HYDIN: variants seen among roughly 807,000 people sequenced by gnomAD.
HYDIN encodes HYDIN axonemal central pair apparatus protein.
In HYDIN, 132 loss-of-function variants were observed where a neutral mutation model predicts 403.9. That is an observed-to-expected ratio of 0.33 (90% CI 0.28 to 0.38). The LOEUF is 0.38. Among genes scored for constraint, HYDIN ranks in the 10% least tolerant of loss-of-function variants. HYDIN has a pLI of 1.00. For synonymous variants in HYDIN, 1,202 were observed against 1,891.7 expected (o/e 0.64, Z 9.46); for missense variants, 2,827 against 5,009.5 (o/e 0.56, Z 13.15).
At position 70,913,103 on chromosome 16, in the gene HYDIN, C is replaced by T. The variant is rs1404842015; in HGVS notation, c.8005-4242G>A. On this transcript the variant is annotated intron_variant, in intron 47 of 85. Coordinates refer to ENST00000393567, the MANE Select transcript of HYDIN (RefSeq NM_001270974.2). ...CCAGCTTTTTGTTTCATTTATCTTT[C>T]GTATTGCTTTTTTTTTTGTTTCAAT... Among the ~76,000 whole-genome samples, 12 of 151,150 alleles carry T rather than the reference C, an allele frequency of 7.9e-5. No homozygotes were observed. In the East Asian group the frequency reaches 9.7e-4, roughly 12 times the overall value.
At chr16:71,221,403 T>C (rs2089194184) in intron 1 of HYDIN, among the ~76,000 whole-genome samples, 1 of 152,080 alleles carries the variant, frequency 6.6e-6, no homozygotes, top group Non-Finnish European at 1.5e-5. Context: ...TTCCCTGAGG[T>C]ACCTAACAGA....
chr16:71,065,902 C>T (rs906618928), intron 15 of HYDIN, among the ~76,000 whole-genome samples: 1 of 152,092 alleles, frequency 6.6e-6, no homozygotes, highest in East Asian at 1.9e-4. Flanking sequence ...CAGATTACAC[C>T]AAAAATAAGG....
chr16:70,933,116 T>C, intron 45 of HYDIN, among the ~76,000 whole-genome samples: 1 of 151,790 alleles, frequency 6.6e-6, no homozygotes, highest in Admixed American at 6.6e-5. Flanking sequence ...GGTGTGATGA[T>C]GGAATTACCA....
intron 28 of HYDIN, 147 bp from the exon 29 acceptor site, chr16:70,981,715 A>G (rs1403711448): frequency 8.2e-7 from 1 of 1,220,588 alleles, no homozygotes; most frequent in African/African-American, 1.5e-5. Context: ...AATGAGTGCA[A>G]AGAAACAGAA....
intron 6 of HYDIN, among the ~76,000 whole-genome samples, chr16:71,159,730 T>C (rs2085921063): frequency 6.7e-6 from 1 of 148,414 alleles, no homozygotes; most frequent in Admixed American, 6.7e-5. Flanking sequence ...ATTAGAAAAA[T>C]GTAAGTCAAA....
chr16:71,148,459 T>C (rs2085405639), intron 7 of HYDIN, among the ~76,000 whole-genome samples: 1 of 152,208 alleles, frequency 6.6e-6, no homozygotes, highest in African/African-American at 2.4e-5. Flanking sequence ...GATGACCTGT[T>C]TGTGTATATA....
At chr16:71,208,328 A>G (rs1049233670) in intron 1 of HYDIN, among the ~76,000 whole-genome samples, 1 of 152,226 alleles carries the variant, frequency 6.6e-6, no homozygotes, top group Admixed American at 6.5e-5. Context: ...GTCTTGGGTA[A>G]ATAATGAAAT....
intron 10 of HYDIN, among the ~76,000 whole-genome samples, chr16:71,096,584 C>T (rs1179992705): frequency 5.3e-5 from 8 of 150,528 alleles, no homozygotes; most frequent in African/African-American, 1.5e-4. Flanking sequence ...ATCTCTCTGG[C>T]TATACCTAAC....
At chr16:70,821,635 T>C (rs554240336) in intron 83 of HYDIN, among the ~76,000 whole-genome samples, 2 of 152,168 alleles carry the variant, frequency 1.3e-5, no homozygotes, top group South Asian at 4.1e-4. Context: ...ATCTTTGTTT[T>C]TTGGCAGTTT....
chr16:71,010,421 T>G (rs2080043251), intron 23 of HYDIN, among the ~76,000 whole-genome samples: 1 of 152,100 alleles, frequency 6.6e-6, no homozygotes, highest in Non-Finnish European at 1.5e-5. Flanking sequence ...CCTCCTGAAA[T>G]GGCCTCAGAC....
chr16:70,898,147 C>G (rs1319853187), intron 53 of HYDIN, among the ~76,000 whole-genome samples: 1 of 152,230 alleles, frequency 6.6e-6, no homozygotes, highest in Admixed American at 6.5e-5. Context: ...CCAGCCTGAG[C>G]AACAGAGTGA....
chr16:70,820,034 A>C (rs1273005033), intron 83 of HYDIN, among the ~76,000 whole-genome samples: 1 of 129,726 alleles, frequency 7.7e-6, no homozygotes, highest in Non-Finnish European at 1.6e-5. Flanking sequence ...GTTAGTCAGG[A>C]TGGTCTCAAT....
intron 78 of HYDIN, among the ~76,000 whole-genome samples, chr16:70,835,430 AAAATG>A (rs1167108684): frequency 6.6e-6 from 1 of 152,240 alleles, no homozygotes; most frequent in Non-Finnish European, 1.5e-5. Flanking sequence ...AATGACATGG[AAAATG>A]AAATGAAAAT....
At chr16:70,850,005 G>C (rs892514694) in intron 74 of HYDIN, 58 bp from the exon 75 acceptor site, 9 of 592,450 alleles carry the variant, frequency 1.5e-5, no homozygotes, top group Non-Finnish European at 1.8e-5. Context: ...TCTGGGGTCA[G>C]CATTTGTAAC....
intron 24 of HYDIN, among the ~76,000 whole-genome samples, 157 bp from the exon 25 acceptor site, chr16:70,991,553 C>T (rs1178288188): frequency 6.6e-6 from 1 of 151,918 alleles, no homozygotes; most frequent in Non-Finnish European, 1.5e-5. Flanking sequence ...AAGAGGTCAG[C>T]TGGTCAGGGC....
At chr16:70,956,409 T>C (rs2078238616) in intron 39 of HYDIN, among the ~76,000 whole-genome samples, 1 of 152,356 alleles carries the variant, frequency 6.6e-6, no homozygotes, top group Admixed American at 6.5e-5. Flanking sequence ...ATAGGTGATG[T>C]GGTAGGCTGA....
chr16:71,212,657 T>C (rs1344054098), intron 1 of HYDIN, among the ~76,000 whole-genome samples: 1 of 151,904 alleles, frequency 6.6e-6, no homozygotes, highest in East Asian at 1.9e-4. Flanking sequence ...GGACAGTACA[T>C]GGAGGGACAA....
intron 41 of HYDIN, among the ~76,000 whole-genome samples, chr16:70,945,076 C>T (rs927614742): frequency 1.3e-5 from 2 of 152,206 alleles, no homozygotes; most frequent in African/African-American, 4.8e-5. Flanking sequence ...TAAAAGACCA[C>T]CCTACTCGTC....
Position 71,059,789 on chromosome 16 carries a change from A to T in HYDIN, c.2529+715T>A, listed in dbSNP as rs193246957. 2.2e-3 allele frequency among the ~76,000 whole-genome samples: 329 copies of T among 152,240 alleles called. 3 individuals are homozygous for T. The highest frequency in any genetic ancestry group is 7.0e-3 in the African/African-American group (292 of 41,530). Reference sequence around the variant, plus strand: ...CCTCCTGAAACTAAAATAAAAGTTTAAAAAAAAGTTATATGTGAATTTTCA... The same window carrying T: ...CCTCCTGAAACTAAAATAAAAGTTTTAAAAAAAGTTATATGTGAATTTTCA... On this transcript the variant is annotated intron_variant, in intron 18 of 85. Coordinates refer to ENST00000393567, the MANE Select transcript of HYDIN (RefSeq NM_001270974.2).
Sources: gnomAD v4.1 joint callset for allele counts (sites outside exome capture counted in the v4.1 genomes callset) on GRCh38, gnomAD v4.1.1 for gene constraint, MANE v1.5 for transcripts, NCBI Gene and HGNC (gene_info 2026-07-23, HGNC 2026-07-21) for gene names.